The following CAMSAP1 variants were observed in gnomAD, a reference collection of about 807,000 sequenced individuals.
CAMSAP1 encodes calmodulin-regulated spectrin-associated protein 1.
Under a neutral mutation model 143.5 loss-of-function variants are expected in CAMSAP1, and 58 were observed. The ratio of observed to expected loss-of-function variants is 0.40; its 90% CI spans 0.33 to 0.50. The LOEUF (loss-of-function observed/expected upper bound fraction) is 0.50. Ranked by LOEUF, CAMSAP1 falls within the 20% of genes least tolerant of loss-of-function variation. The pLI is 0.45. For missense variants in CAMSAP1, 1,969 were observed against 2,115.7 expected, an observed-to-expected ratio of 0.93 and a Z score of 1.36; for synonymous variants, 945 against 859.3, an observed-to-expected ratio of 1.10 and a Z score of -1.74.
chr9:135,877,661 A>G (rs1291586546), intron 3 of CAMSAP1, among the ~76,000 whole-genome samples: 1 of 152,070 alleles, frequency 6.6e-6, no homozygotes, highest in African/African-American at 2.4e-5. Flanking sequence ...AATTTTTTTT[A>G]ATCAGCCAGG....
In CAMSAP1 at chr9:135,818,441, A is replaced by C; in HGVS notation, c.4135T>G (p.Cys1379Gly). Reference sequence around the variant, plus strand: ...GAGCACTTGGTGCCGGAGTCGCTGCACGACTCTTCCCGGTGCACCGACTTC... The same window carrying C: ...GAGCACTTGGTGCCGGAGTCGCTGCCCGACTCTTCCCGGTGCACCGACTTC... ...RPKSVHREES[C>G]SDSGTKCSST... Residue 1379 changes from cysteine (C) to glycine (G), a missense_variant, in exon 13 of 17, where the codon TGC becomes GGC. Cys to Gly is a radical substitution (Grantham distance 159). This residue lies in a region of CAMSAP1 where 1,390 missense variants were observed against 1,420.8 expected (regional missense o/e 0.98). Transcript: ENST00000389532. This position sits in a 1 kb window ranked among gnomAD's most constrained non-coding sequence, Gnocchi z 7.7. The C allele has an allele frequency of 6.3e-7, 1 of 1,597,542 alleles. No homozygotes were observed. The highest frequency in any genetic ancestry group is 8.5e-7 in the Non-Finnish European group (1 of 1,176,296).
chr9:135,842,473 C>T (rs1836392818), intron 7 of CAMSAP1, among the ~76,000 whole-genome samples: 4 of 152,124 alleles, frequency 2.6e-5, no homozygotes, highest in Admixed American at 2.6e-4. Flanking sequence ...GACAGGCCAA[C>T]ATTCAAATTC....
chr9:135,815,689 G>A (rs1389922027), intron 15 of CAMSAP1, among the ~76,000 whole-genome samples: 2 of 152,258 alleles, frequency 1.3e-5, no homozygotes, highest in African/African-American at 4.8e-5. Flanking sequence ...GACCAGGAGG[G>A]CAAGGCAGGC....
intron 7 of CAMSAP1, among the ~76,000 whole-genome samples, chr9:135,830,939 G>C (rs1835838530): frequency 6.6e-6 from 1 of 151,930 alleles, no homozygotes; most frequent in South Asian, 2.1e-4. Context: ...GGGAGGCTGA[G>C]GGGGGCAGAT....
intron 1 of CAMSAP1, among the ~76,000 whole-genome samples, chr9:135,900,475 C>T (rs966370561): frequency 2.6e-5 from 4 of 151,894 alleles, no homozygotes; most frequent in African/African-American, 7.2e-5. Context: ...GGGCAGATCA[C>T]GAGGTCAGGA....
At chr9:135,883,861 A>G (rs1454052192) in intron 1 of CAMSAP1, among the ~76,000 whole-genome samples, 1 of 152,170 alleles carries the variant, frequency 6.6e-6, no homozygotes, top group Non-Finnish European at 1.5e-5. Context: ...AACCCACACA[A>G]TCTGATCCAG....
rs962656428 is a variant in CAMSAP1, at chr9:135,824,932, G to A, written c.1224-52C>T. The A allele has an allele frequency of 7.1e-7, 1 of 1,413,382 alleles. No homozygotes were observed. The allele number at this position is 1,413,382 out of a possible 1,614,324, so 87.6% of individuals were successfully genotyped here. ...AATCATTCCTTTATCAAACTTCAAGGTCAACAGCAAATGCACAAGTGTACA... is the reference window on the plus strand; with the variant it reads ...AATCATTCCTTTATCAAACTTCAAGATCAACAGCAAATGCACAAGTGTACA... On this transcript the variant is annotated intron_variant, in intron 8 of 16. Transcript: ENST00000389532. This position sits in a 1 kb window ranked among gnomAD's most constrained non-coding sequence, Gnocchi z 4.1.
intron 4 of CAMSAP1, chr9:135,865,435 AAC>A (rs1837341040): frequency 1.4e-6 from 2 of 1,449,304 alleles, no homozygotes; most frequent in Non-Finnish European, 1.9e-6. Flanking sequence ...TGGACGAGGT[AAC>A]ACACACTTCC....
chr9:135,810,977 A>C lies in CAMSAP1; in HGVS notation c.*332T>G. On this transcript the variant is annotated 3_prime_UTR_variant, in exon 17 of 17. Coordinates refer to ENST00000389532, the MANE Select transcript of CAMSAP1 (RefSeq NM_015447.4). ...CTATGCTGAAGGAGAACTTCAAGTA[A>C]GGGAGCTCCGTGGCCCGGGACCTGG... 2.9e-6 allele frequency: 1 copy of C among 350,356 alleles called. No individual in the cohort carries two copies. The highest frequency in any genetic ancestry group is 2.1e-5 in the African/African-American group (1 of 48,284). The allele number at this position is 350,356 out of a possible 1,614,324, so 21.7% of individuals were successfully genotyped here. A position where few individuals can be genotyped will look rare whatever the true frequency, so the allele number is the denominator to read the frequency against.
chr9:135,827,267 G>A (rs1835707272), intron 8 of CAMSAP1, 140 bp downstream of exon 8: 1 of 861,784 alleles, frequency 1.2e-6, no homozygotes, highest in Non-Finnish European at 1.7e-6. Context: ...GGCCAGAAGG[G>A]CAGGGACAGA....
At chr9:135,817,558 A>G (rs940506728) in intron 14 of CAMSAP1, among the ~76,000 whole-genome samples, 4 of 151,684 alleles carry the variant, frequency 2.6e-5, no homozygotes, top group Admixed American at 2.6e-4. Context: ...CACCCAGCTA[A>G]CTTTTTTTTG....
chr9:135,836,738 T>C (rs1369511607), intron 7 of CAMSAP1: 2 of 982,456 alleles, frequency 2.0e-6, no homozygotes, highest in Non-Finnish European at 2.4e-6. Flanking sequence ...TTCTACCCAT[T>C]CCACAGCCAC....
intron 1 of CAMSAP1, among the ~76,000 whole-genome samples, chr9:135,889,582 C>A (rs577361102): frequency 5.9e-5 from 9 of 152,226 alleles, no homozygotes; most frequent in African/African-American, 2.2e-4. Flanking sequence ...GCAGAGGCCA[C>A]GTGCTGGTGA....
chr9:135,866,464 G>C lies in CAMSAP1; in HGVS notation c.658C>G (p.His220Asp). ...LKQQLLESPA[H>D]QKVRYRREHL... ...TTAAATTTACCCTTTACCTTTTGAT[G>C]AGCTGGACTTTCCAATAACTGTTGT... Residue 220 changes from histidine (H) to aspartate (D), a missense_variant, in exon 4 of 17, where the codon CAT (histidine) becomes GAT (aspartate). Around this residue, in one of 4 missense-constraint regions of CAMSAP1, gnomAD observed 221 missense variants for 298.2 expected, o/e 0.74. Transcript: ENST00000389532. The C allele has an allele frequency of 6.9e-7, 1 of 1,447,504 alleles. No individual in the cohort carries two copies. The highest frequency in any genetic ancestry group is 2.0e-5 in the Admixed American group (1 of 50,816). The allele number at this position is 1,447,504 out of a possible 1,614,324, so 89.7% of individuals were successfully genotyped here. A position where few individuals can be genotyped will look rare whatever the true frequency, so the allele number is the denominator to read the frequency against.
intron 5 of CAMSAP1, among the ~76,000 whole-genome samples, chr9:135,857,126 C>T (rs1349538518): frequency 6.6e-6 from 1 of 152,224 alleles, no homozygotes; most frequent in Non-Finnish European, 1.5e-5. Context: ...GTAGGCTTTG[C>T]CATGGCCCTT....
At chr9:135,896,061 T>C in intron 1 of CAMSAP1, among the ~76,000 whole-genome samples, 1 of 152,290 alleles carries the variant, frequency 6.6e-6, no homozygotes, top group Non-Finnish European at 1.5e-5. Context: ...GTTAACAATA[T>C]AATGTTATTA....
In CAMSAP1 at chr9:135,822,942, G is replaced by C; in HGVS notation, c.1719C>G (p.Ala573=). ...SPRALGLTAN[A]RSPQGQLDTS... The stretch of plus-strand genomic sequence containing the variant: ...TGTCCAGCTGTCCTTGGGGAGACCG[G>C]GCATTTGCTGTAAGGCCTAAGGCCC... Residue 573 remains alanine, a synonymous_variant, in exon 11 of 17, where the codon GCC becomes GCG. Coordinates refer to ENST00000389532, the MANE Select transcript of CAMSAP1 (RefSeq NM_015447.4). This position sits in a 1 kb window ranked among gnomAD's most constrained non-coding sequence, Gnocchi z 6.1. 8 of 1,613,958 alleles carry C rather than the reference G, an allele frequency of 5.0e-6. No homozygotes were observed. Among genetic ancestry groups the C allele is most frequent in the Non-Finnish European group, 5.9e-6 (7 of 1,179,878 alleles).
intron 14 of CAMSAP1, among the ~76,000 whole-genome samples, chr9:135,817,360 A>G (rs998220745): frequency 6.6e-6 from 1 of 152,180 alleles, no homozygotes; most frequent in Non-Finnish European, 1.5e-5. Flanking sequence ...AAGGCCAGAC[A>G]TCTCCAACGG....
chr9:135,880,517 T>C (rs1366657274), intron 3 of CAMSAP1, among the ~76,000 whole-genome samples: 1 of 152,024 alleles, frequency 6.6e-6, no homozygotes, highest in African/African-American at 2.4e-5. Flanking sequence ...ACCCCAAGCT[T>C]GGGTAGGAAA....
Sources: allele counts gnomAD v4.1 joint callset (sites outside exome capture counted in the v4.1 genomes callset), GRCh38; gene constraint gnomAD v4.1.1; regional missense constraint gnomAD v4.1.1; non-coding constraint Gnocchi (gnomAD v3.1); transcripts MANE v1.5; gene names NCBI Gene and HGNC (gene_info 2026-07-23, HGNC 2026-07-21).